EEF2KMT: variants seen among roughly 807,000 people sequenced by gnomAD.
The protein encoded by EEF2KMT is eukaryotic elongation factor 2 lysine methyltransferase.
EEF2KMT carries 30 observed loss-of-function variants against 35.1 expected under a neutral mutation model. The observed-to-expected ratio is 0.85, with a 90% CI of 0.64 to 1.16. EEF2KMT has a LOEUF of 1.16. Among genes scored for constraint, EEF2KMT ranks in the 50% most tolerant of loss-of-function variants. EEF2KMT has a pLI of 0.00. For missense variants in EEF2KMT, 499 were observed against 438.2 expected, an observed-to-expected ratio of 1.14 and a Z score of -1.24; for synonymous variants, 190 against 187.7, an observed-to-expected ratio of 1.01 and a Z score of -0.10.
chr16:5,095,212 C>T (rs1957429674), intron 2 of EEF2KMT, among the ~76,000 whole-genome samples: 1 of 152,218 alleles, frequency 6.6e-6, no homozygotes, highest in South Asian at 2.1e-4. Context: ...TCCCTAGATT[C>T]CCCCCTCTCA....
At chr16:5,093,153 C>T (rs1957376867) in intron 3 of EEF2KMT, among the ~76,000 whole-genome samples, 1 of 152,174 alleles carries the variant, frequency 6.6e-6, no homozygotes, top group South Asian at 2.1e-4. Context: ...AACCCTTCAG[C>T]GGGCAGGACA....
chr16:5,092,037 T>C (rs1182666230), intron 3 of EEF2KMT, 142 bp from the exon 4 acceptor site: 6 of 1,483,392 alleles, frequency 4.0e-6, no homozygotes, highest in African/African-American at 2.8e-5. Context: ...ATTCACTTCG[T>C]TGGGCTTGGT....
intron 2 of EEF2KMT, among the ~76,000 whole-genome samples, chr16:5,094,274 T>C (rs1957405723): frequency 6.6e-6 from 1 of 152,020 alleles, no homozygotes; most frequent in Non-Finnish European, 1.5e-5. Context: ...GGTTTTTCAT[T>C]TATTCTGACA....
chr16:5,085,527 C>G lies in EEF2KMT; in HGVS notation c.*105G>C, dbSNP rs915743830. On this transcript the variant is annotated 3_prime_UTR_variant, in exon 8 of 8. Coordinates refer to ENST00000427587, the MANE Select transcript of EEF2KMT (RefSeq NM_201400.4). The stretch of plus-strand genomic sequence containing the variant: ...TTCCTGATTTGGAAATTAACATTCT[C>G]CAAACATTCCAGTCCAATGAAAGTT... The G allele has an allele frequency of 5.0e-5, 46 of 925,192 alleles. No homozygotes were observed. Among genetic ancestry groups the G allele is most frequent in the Non-Finnish European group, 7.2e-6 (4 of 559,342 alleles). The allele number at this position is 925,192 out of a possible 1,614,324, so 57.3% of individuals were successfully genotyped here. A position where few individuals can be genotyped will look rare whatever the true frequency, so the allele number is the denominator to read the frequency against.
Position 5,095,463 on chromosome 16 carries a change from T to C in EEF2KMT, c.148A>G (p.Ile50Val). 1 of 1,611,698 alleles carries C rather than the reference T, an allele frequency of 6.2e-7. No homozygotes were observed. The change falls in exon 2 of 8, where the codon ATT becomes GTT. Residue 50 changes from isoleucine (I) to valine (V), a missense_variant. Physicochemically the swap from Ile to Val is conservative, Grantham distance 29. Transcript: ENST00000427587. The part of the protein sequence containing the change: ...DSSDSELLRD[I>V]LHKTVKHPVC... ...TCTGGGATTCTTACCTTGTGCAAAA[T>C]ATCCCGCAGCAGCTCAGAATCTGAT...
intron 1 of EEF2KMT, among the ~76,000 whole-genome samples, chr16:5,095,782 C>G (rs79576050): frequency 0.11 from 15,797 of 142,400 alleles, 1,062 homozygotes; most frequent in East Asian, 0.27. Flanking sequence ...GGTTGCACTG[C>G]TCAGCCAGGA....
chr16:5,091,131 G>A (rs1957333020), intron 4 of EEF2KMT, among the ~76,000 whole-genome samples: 1 of 152,088 alleles, frequency 6.6e-6, no homozygotes, highest in African/African-American at 2.4e-5. Context: ...GCCCAGGCTG[G>A]AGTGCAATAG....
In EEF2KMT at chr16:5,089,293, T is replaced by C. The variant is rs368765922; in HGVS notation, c.743-37A>G. On this transcript the variant is annotated intron_variant, in intron 6 of 7. Coordinates refer to ENST00000427587, the MANE Select transcript of EEF2KMT (RefSeq NM_201400.4). ...GCTTCAGGTTACTGAAAGGGACCAG[T>C]GGACAGGTCCAGGTCATGCTGACGT... The C allele has an allele frequency of 2.6e-5, 41 of 1,598,822 alleles. No homozygotes were observed. In the African/African-American group the frequency reaches 4.4e-4, roughly 17 times the overall value.
chr16:5,097,524 C>T (rs1395721181), intron 1 of EEF2KMT, 120 bp downstream of exon 1: 21 of 1,484,378 alleles, frequency 1.4e-5, no homozygotes, highest in Admixed American at 2.2e-5. Context: ...CGGCCCTGAC[C>T]GGCGGGAGCC....
chr16:5,093,714 A>G lies in EEF2KMT; in HGVS notation c.160-150T>C. ...ACAGCGTTTTGGCCCCATGCATCTG[A>G]AGTTTGTCTTAAGATATAAGCTGTT... On this transcript the variant is annotated intron_variant, in intron 2 of 7. Coordinates refer to ENST00000427587, the MANE Select transcript of EEF2KMT (RefSeq NM_201400.4). 3 of 1,488,192 alleles carry G rather than the reference A, an allele frequency of 2.0e-6. No individual in the cohort carries two copies. In the South Asian group the frequency reaches 4.1e-5, roughly 20 times the overall value. 92.2% of individuals were successfully genotyped at this position (1,488,192 alleles called of 1,614,324 possible). A position where few individuals can be genotyped will look rare whatever the true frequency, so the allele number is the denominator to read the frequency against.
At position 5,090,484 on chromosome 16, in the gene EEF2KMT, C is replaced by T. The variant is rs760472451; in HGVS notation, c.424G>A (p.Ala142Thr). The T allele has an allele frequency of 2.9e-5, 47 of 1,611,962 alleles. No individual in the cohort carries two copies. The highest frequency in any genetic ancestry group is 1.8e-4 in the South Asian group (16 of 90,986). Residue 142 changes from alanine to threonine, a missense_variant, in exon 5 of 8, where the codon GCC (alanine) becomes ACC (threonine). Ala to Thr is a moderately conservative substitution (Grantham distance 58). Coordinates refer to ENST00000427587, the MANE Select transcript of EEF2KMT (RefSeq NM_201400.4). The surrounding 1 kb of genome is among the most constrained non-coding windows in gnomAD (Gnocchi z 4.1). ...ATGGCCCATTCTGCAAGGTAGAGGG[C>T]GGCGTCCCATGTGACCAGGCCTGTG... ...GTTGLVTWDA[A>T]LYLAEWAIEN...
Position 5,097,755 on chromosome 16 carries a change from G to C in EEF2KMT, c.-16C>G, listed in dbSNP as rs372997141. The C allele has an allele frequency of 2.6e-6, 4 of 1,547,280 alleles. No homozygotes were observed. Among genetic ancestry groups the C allele is most frequent in the Non-Finnish European group, 3.5e-6 (4 of 1,152,416 alleles). On this transcript the variant is annotated 5_prime_UTR_variant, in exon 1 of 8. Transcript: ENST00000427587. ...CGGGCGCCATGACGTGGGCGGGGCC[G>C]CAGCGTTGCCGGCAGACCGGGCGGA...
intron 1 of EEF2KMT, chr16:5,097,314 G>A (rs1957491910): frequency 1.5e-6 from 2 of 1,369,172 alleles, no homozygotes; most frequent in Admixed American, 4.4e-5. Context: ...TTTAGAATGG[G>A]CGAGGGCAGC....
intron 2 of EEF2KMT, 32 bp from the exon 3 acceptor site, chr16:5,093,596 A>C: frequency 6.2e-7 from 1 of 1,611,796 alleles, no homozygotes; most frequent in Non-Finnish European, 8.5e-7. Context: ...TGGTTGCTCG[A>C]GAGCCCGTCT....
At position 5,084,423 on chromosome 16, in the gene EEF2KMT, C is replaced by A; in HGVS notation, c.*1209G>T. On this transcript the variant is annotated 3_prime_UTR_variant, in exon 8 of 8. Coordinates refer to ENST00000427587, the MANE Select transcript of EEF2KMT (RefSeq NM_201400.4). ...AAGGCTGCAAAGAACACCGACACCC[C>A]CTTGTTACCCACAGATGGGTGAGAC... The A allele has an allele frequency of 1.9e-6, 1 of 516,570 alleles. No homozygotes were observed. Among genetic ancestry groups the A allele is most frequent in the Non-Finnish European group, 3.5e-6 (1 of 284,482 alleles). 32.0% of individuals were successfully genotyped at this position (516,570 alleles called of 1,614,324 possible).
intron 2 of EEF2KMT, among the ~76,000 whole-genome samples, chr16:5,094,392 A>G (rs1196484834): frequency 2.0e-5 from 3 of 152,132 alleles, no homozygotes; most frequent in Non-Finnish European, 4.4e-5. Context: ...CCTCCTGAGT[A>G]GCTGGGACTA....
At chr16:5,092,046 G>T in intron 3 of EEF2KMT, 151 bp from the exon 4 acceptor site, 1 of 1,452,508 alleles carries the variant, frequency 6.9e-7, no homozygotes, top group Non-Finnish European at 9.3e-7. Context: ...GTTGGGCTTG[G>T]TGGTGTGTGC....
chr16:5,092,842 G>C (rs1201552342), intron 3 of EEF2KMT, among the ~76,000 whole-genome samples: 1 of 152,164 alleles, frequency 6.6e-6, no homozygotes, highest in Non-Finnish European at 1.5e-5. Flanking sequence ...TGTGCCTGTA[G>C]TCCCAGCTTC....
chr16:5,089,158 C>T lies in EEF2KMT; in HGVS notation c.841G>A (p.Ala281Thr), dbSNP rs1187852388. 3 of 1,612,240 alleles carry T rather than the reference C, an allele frequency of 1.9e-6. No homozygotes were observed. Among genetic ancestry groups the T allele is most frequent in the Non-Finnish European group, 2.5e-6 (3 of 1,179,874 alleles). Residue 281 changes from alanine to threonine, a missense_variant, in exon 7 of 8, where the codon GCC (alanine) becomes ACC (threonine). Transcript: ENST00000427587. ...GTCTCTGGGTTGCGGACGGTAAAGG[C>T]CACGTAGACCTCAGGAGCCCGCTGG... ...EHQRAPEVYV[A>T]FTVRNPETCQ...
Sources: gnomAD v4.1 joint callset for allele counts (sites outside exome capture counted in the v4.1 genomes callset) on GRCh38, gnomAD v4.1.1 for gene constraint, Gnocchi (gnomAD v3.1) non-coding constraint, MANE v1.5 for transcripts, NCBI Gene and HGNC (gene_info 2026-07-23, HGNC 2026-07-21) for gene names.